DLGAP4: variants seen among roughly 807,000 people sequenced by gnomAD.
The protein encoded by DLGAP4 is disks large-associated protein 4.
In DLGAP4, 18 loss-of-function variants were observed where a neutral mutation model predicts 86.9. The ratio of observed to expected loss-of-function variants is 0.21; its 90% confidence interval spans 0.14 to 0.31. The LOEUF (loss-of-function observed/expected upper bound fraction) is 0.31. DLGAP4 is among the 10% of genes least tolerant of loss of function. DLGAP4 has a pLI of 1.00. For missense variants in DLGAP4, 1,085 were observed against 1,362.6 expected, an observed-to-expected ratio of 0.80 and a Z score of 3.21; for synonymous variants, 548 against 574.3, an observed-to-expected ratio of 0.95 and a Z score of 0.65.
intron 1 of DLGAP4, among the ~76,000 whole-genome samples, chr20:36,317,293 T>TATCTTTC (rs2065116704): frequency 2.9e-3 from 79 of 27,274 alleles, no homozygotes; most frequent in African/African-American, 8.0e-3. Flanking sequence ...TCTTTCTTTC[T>TATCTTTC]TATCTTTCTT....
chr20:36,418,849 T>G (rs954296688), intron 2 of DLGAP4, among the ~76,000 whole-genome samples: 2 of 152,112 alleles, frequency 1.3e-5, no homozygotes, highest in African/African-American at 4.8e-5. Context: ...AATATCATGC[T>G]TTTCAGACAG....
Position 36,500,364 on chromosome 20 carries a change from T to A in DLGAP4, c.2265T>A (p.Ile755=), listed in dbSNP as rs1227619856. Reference sequence around the variant, plus strand: ...CCGGTCCCCGGCAGGCCCCCAAGATTGCCCAGATCAAGCGCAACCTCTCCT... The same window carrying A: ...CCGGTCCCCGGCAGGCCCCCAAGATAGCCCAGATCAAGCGCAACCTCTCCT... ...IDAGPRQAPK[I]AQIKRNLSYG... is the part of the protein sequence containing the mutation. The change falls in exon 10 of 13, where the codon ATT becomes ATA. Residue 755 remains isoleucine (I), a synonymous_variant. Transcript: ENST00000339266. The surrounding 1 kb of genome is among the most constrained non-coding windows in gnomAD (Gnocchi z 4.6). The A allele has an allele frequency of 3.1e-6, 5 of 1,611,942 alleles. No individual in the cohort carries two copies. The South Asian group carries it at 4.4e-5, about 14-fold the overall frequency.
intron 10 of DLGAP4, among the ~76,000 whole-genome samples, chr20:36,518,226 C>CA (rs113911192): frequency 0.016 from 2,095 of 131,326 alleles, 38 homozygotes; most frequent in African/African-American, 0.047. Flanking sequence ...GACTCGGTCT[C>CA]AAAAAAAAAA....
chr20:36,346,413 C>A (rs1412530015), intron 1 of DLGAP4, among the ~76,000 whole-genome samples: 1 of 152,248 alleles, frequency 6.6e-6, no homozygotes, highest in East Asian at 1.9e-4. Flanking sequence ...CAGAGAGGAA[C>A]CATCCGGGAC....
chr20:36,401,193 T>C (rs967923865), intron 2 of DLGAP4, among the ~76,000 whole-genome samples: 4 of 152,240 alleles, frequency 2.6e-5, no homozygotes, highest in Non-Finnish European at 5.9e-5. Context: ...ATGATATGCC[T>C]GTTCCGAGAA....
At position 36,306,382 on chromosome 20, in the gene DLGAP4, G is replaced by T; in HGVS notation, c.-434G>T. The T allele has an allele frequency of 6.7e-6, 1 of 149,666 alleles. No homozygotes were observed. Among genetic ancestry groups the T allele is most frequent in the South Asian group, 1.9e-4 (1 of 5,364 alleles). 9.3% of individuals were successfully genotyped at this position (149,666 alleles called of 1,614,324 possible). A position where few individuals can be genotyped will look rare whatever the true frequency, so the allele number is the denominator to read the frequency against. Reference sequence around the variant, plus strand: ...CCGCGCCGGCCGGAGGAGAGGCATGGGGCGCCCGCGGGCCGGAGCCGGGGC... The same window carrying T: ...CCGCGCCGGCCGGAGGAGAGGCATGTGGCGCCCGCGGGCCGGAGCCGGGGC... On this transcript the variant is annotated 5_prime_UTR_variant, in exon 1 of 13. Transcript: ENST00000339266. This position sits in a 1 kb window ranked among gnomAD's most constrained non-coding sequence, Gnocchi z 4.9.
chr20:36,351,757 G>A (rs1555893478), intron 1 of DLGAP4, among the ~76,000 whole-genome samples: 2 of 152,096 alleles, frequency 1.3e-5, no homozygotes, highest in Non-Finnish European at 2.9e-5. Flanking sequence ...CAGGTGCAAG[G>A]TCACAGTCTT....
chr20:36,319,980 C>G (rs1196294848), intron 1 of DLGAP4, among the ~76,000 whole-genome samples: 1 of 151,822 alleles, frequency 6.6e-6, no homozygotes, highest in Non-Finnish European at 1.5e-5. Context: ...CCCACTCCCC[C>G]GGGCCTCCCT....
chr20:36,495,054 G>A (rs567017758), intron 7 of DLGAP4, among the ~76,000 whole-genome samples: 57 of 141,306 alleles, frequency 4.0e-4, no homozygotes, highest in Admixed American at 1.1e-3. Flanking sequence ...GTGCAGTGGC[G>A]TAATCTTGGC....
chr20:36,410,570 G>A (rs146709462), intron 2 of DLGAP4, among the ~76,000 whole-genome samples: 43 of 152,258 alleles, frequency 2.8e-4, no homozygotes, highest in African/African-American at 1.0e-3. Context: ...TTCTGATGAG[G>A]GCCTCAGGAA....
intron 6 of DLGAP4, among the ~76,000 whole-genome samples, chr20:36,443,951 C>T (rs1302089877): frequency 6.6e-6 from 1 of 152,142 alleles, no homozygotes; most frequent in Non-Finnish European, 1.5e-5. Context: ...AGGCACAAAG[C>T]AATTAAGTGA....
At chr20:36,358,198 AC>A (rs2030395127) in intron 1 of DLGAP4, among the ~76,000 whole-genome samples, 1 of 152,256 alleles carries the variant, frequency 6.6e-6, no homozygotes, top group Admixed American at 6.5e-5. Flanking sequence ...CCATGGGGCC[AC>A]AGTGAGGCAC....
At chr20:36,413,561 G>A (rs1199625844) in intron 2 of DLGAP4, among the ~76,000 whole-genome samples, 1 of 151,304 alleles carries the variant, frequency 6.6e-6, no homozygotes, top group African/African-American at 2.4e-5. Flanking sequence ...GACTACAGGT[G>A]TGTGCCACCA....
At chr20:36,490,624 C>T (rs2035618516) in intron 7 of DLGAP4, among the ~76,000 whole-genome samples, 1 of 152,196 alleles carries the variant, frequency 6.6e-6, no homozygotes, top group East Asian at 1.9e-4. Flanking sequence ...TGCTGTAAAG[C>T]CTGAGCCATG....
At chr20:36,403,212 G>A (rs973215235) in intron 2 of DLGAP4, among the ~76,000 whole-genome samples, 5 of 152,148 alleles carry the variant, frequency 3.3e-5, no homozygotes, top group African/African-American at 7.2e-5. Flanking sequence ...GGCATCTGGC[G>A]AGGGCCTTCT....
intron 7 of DLGAP4, among the ~76,000 whole-genome samples, chr20:36,490,660 G>A (rs982058827): frequency 3.3e-5 from 5 of 152,194 alleles, no homozygotes; most frequent in Non-Finnish European, 7.3e-5. Context: ...GTGGCCCCAG[G>A]GCACCTGTTC....
At chr20:36,490,142 G>A (rs1407540885) in intron 7 of DLGAP4, among the ~76,000 whole-genome samples, 1 of 152,122 alleles carries the variant, frequency 6.6e-6, no homozygotes, top group Non-Finnish European at 1.5e-5. Context: ...ACAGGTGTGA[G>A]CCTCCGCGCC....
At chr20:36,497,305 T>A in intron 8 of DLGAP4, 2 of 1,381,292 alleles carry the variant, frequency 1.4e-6, no homozygotes, top group Non-Finnish European at 1.9e-6. Flanking sequence ...TCCAGTGGGT[T>A]GTCCCAGTGA....
chr20:36,346,044 A>G (rs2029926476), intron 1 of DLGAP4, among the ~76,000 whole-genome samples: 1 of 152,202 alleles, frequency 6.6e-6, no homozygotes, highest in South Asian at 2.1e-4. Flanking sequence ...GGTGTGAGCC[A>G]CCATGCCCAC....
Sources: gnomAD v4.1 joint callset for allele counts (sites outside exome capture counted in the v4.1 genomes callset) on GRCh38, gnomAD v4.1.1 for gene constraint, Gnocchi (gnomAD v3.1) non-coding constraint, MANE v1.5 for transcripts, NCBI Gene and HGNC (gene_info 2026-07-23, HGNC 2026-07-21) for gene names.